Variants in IGSF21 observed in about 807,000 individuals in gnomAD.
The protein encoded by IGSF21 is immunoglobulin superfamily member 21.
A neutral mutation model predicts 46.8 loss-of-function variants in IGSF21; 28 were observed. That is an observed-to-expected ratio of 0.60 (90% confidence interval 0.44 to 0.82). IGSF21 has a LOEUF of 0.82. IGSF21 is among the 40% of genes least tolerant of loss of function. IGSF21 has a pLI of 0.00. For missense variants in IGSF21, 624 were observed against 665.5 expected, an observed-to-expected ratio of 0.94 and a Z score of 0.69; for synonymous variants, 284 against 273.6, an observed-to-expected ratio of 1.04 and a Z score of -0.38.
chr1:18,309,950 G>A (rs527754210), intron 3 of IGSF21, among the ~76,000 whole-genome samples: 2 of 152,250 alleles, frequency 1.3e-5, no homozygotes, highest in African/African-American at 4.8e-5. Context: ...CGAGGCCCTG[G>A]GGGGTGCATG....
At chr1:18,176,642 G>T (rs1418999666) in intron 1 of IGSF21, among the ~76,000 whole-genome samples, 1 of 152,136 alleles carries the variant, frequency 6.6e-6, no homozygotes. Context: ...GAGTATCTGC[G>T]CCCCTGACCC....
intron 2 of IGSF21, among the ~76,000 whole-genome samples, chr1:18,231,350 C>A (rs1032611896): frequency 1.3e-5 from 2 of 152,206 alleles, no homozygotes. Flanking sequence ...GCTAACAAAA[C>A]CTCTGGCTGG....
chr1:18,143,434 C>A (rs1414894991), intron 1 of IGSF21, among the ~76,000 whole-genome samples: 3 of 152,292 alleles, frequency 2.0e-5, no homozygotes, highest in Non-Finnish European at 4.4e-5. Context: ...CTCCCTCCTG[C>A]TTAGAACTCT....
In IGSF21 at chr1:18,309,687, G is replaced by A. The variant is rs375872502; in HGVS notation, c.305+17700G>A. ...CCACCGCCTCTAGCCGCTGCTGAGG[G>A]CCGGCCTCCTTTTGCCTCTGCCCTC... is the stretch of plus-strand genomic sequence containing the variant. On this transcript the variant is annotated intron_variant, in intron 3 of 9. Transcript: ENST00000251296. Among the ~76,000 whole-genome samples the A allele has an allele frequency of 2.0e-4, 31 of 152,320 alleles. No homozygotes were observed. The South Asian group carries it at 6.4e-3, about 32-fold the overall frequency.
rs1557659664 is a variant in IGSF21 at position 18,359,388 on chromosome 1, AAGGAAGG to A, written c.425-2725_425-2719del. ...AAAGAAAGAAAGAAAGAAAGAAAGG[AAGGAAGG>A]AAGGAAGGAAGGAAGGAAGGAAGGA... On this transcript the variant is annotated intron_variant, in intron 4 of 9. Coordinates refer to ENST00000251296, the MANE Select transcript of IGSF21 (RefSeq NM_032880.5). Among the ~76,000 whole-genome samples, 361 of 78,336 alleles carry A rather than the reference AAGGAAGG, an allele frequency of 4.6e-3. 2 individuals are homozygous for A. The highest frequency in any genetic ancestry group is 0.013 in the East Asian group (38 of 2,844). The allele number at this position is 78,336 out of a possible 152,430, so 51.4% of individuals were successfully genotyped here.
chr1:18,303,735 C>T (rs1487817216), intron 3 of IGSF21, among the ~76,000 whole-genome samples: 1 of 151,998 alleles, frequency 6.6e-6, no homozygotes, highest in Non-Finnish European at 1.5e-5. Context: ...GTTCTCTGTC[C>T]CCATGGAGCT....
At chr1:18,224,601 C>T (rs184794733) in intron 1 of IGSF21, among the ~76,000 whole-genome samples, 3 of 152,300 alleles carry the variant, frequency 2.0e-5, no homozygotes, top group African/African-American at 7.2e-5. Flanking sequence ...GATATGTCCC[C>T]ATTGCCTACA....
At position 18,115,842 on chromosome 1, in the gene IGSF21, G is replaced by GAAAGAAAGA. The variant is rs1557543384; in HGVS notation, c.70+7646_70+7647insAGAAAGAAA. The GAAAGAAAGA allele has an allele frequency of 3.6e-4, 32 of 87,824 alleles. 1 individual carries two copies. The highest frequency in any genetic ancestry group is 1.1e-3 in the Admixed American group (9 of 8,110). The allele number at this position is 87,824 out of a possible 1,614,324, so 5.4% of individuals were successfully genotyped here. A position where few individuals can be genotyped will look rare whatever the true frequency, so the allele number is the denominator to read the frequency against. The stretch of plus-strand genomic sequence containing the variant: ...GACAGGAAGGAAGGAAGGAAGGAAG[G>GAAAGAAAGA]AAGAAAGAAAGAAAGAAAGAAAGAA... On this transcript the variant is annotated intron_variant, in intron 1 of 9. Coordinates refer to ENST00000251296, the MANE Select transcript of IGSF21 (RefSeq NM_032880.5).
At chr1:18,302,691 C>G (rs761753118) in intron 3 of IGSF21, among the ~76,000 whole-genome samples, 1 of 152,142 alleles carries the variant, frequency 6.6e-6, no homozygotes, top group Non-Finnish European at 1.5e-5. Flanking sequence ...GTCCTCAAAT[C>G]TCCCCTGCAA....
intron 4 of IGSF21, among the ~76,000 whole-genome samples, chr1:18,351,643 C>T (rs1005003495): frequency 6.6e-6 from 1 of 152,202 alleles, no homozygotes; most frequent in African/African-American, 2.4e-5. Context: ...CCTGCCTCCC[C>T]AAGCTTCCGT....
intron 4 of IGSF21, among the ~76,000 whole-genome samples, chr1:18,357,027 A>C (rs1569867659): frequency 6.6e-6 from 1 of 151,430 alleles, no homozygotes; most frequent in African/African-American, 2.4e-5. Context: ...ATAGGAATGG[A>C]GATGAGGATG....
intron 1 of IGSF21, among the ~76,000 whole-genome samples, chr1:18,144,559 A>G (rs2086448685): frequency 6.6e-6 from 1 of 152,126 alleles, no homozygotes; most frequent in Non-Finnish European, 1.5e-5. Flanking sequence ...GGAAGCACCT[A>G]GGTCCAGTCC....
At chr1:18,127,724 G>A (rs975075259) in intron 1 of IGSF21, among the ~76,000 whole-genome samples, 1 of 152,086 alleles carries the variant, frequency 6.6e-6, no homozygotes, top group East Asian at 1.9e-4. Flanking sequence ...GAAACATGGT[G>A]AAACCTCATC....
chr1:18,159,963 G>A (rs2086602170), intron 1 of IGSF21, among the ~76,000 whole-genome samples: 1 of 152,160 alleles, frequency 6.6e-6, no homozygotes, highest in Non-Finnish European at 1.5e-5. Context: ...TTACAGGCGT[G>A]AGCCACCTTG....
rs1557659465 is a variant in IGSF21 at position 18,359,343 on chromosome 1, AAAGAAAGAAAG to A, written c.425-2769_425-2759del. On this transcript the variant is annotated intron_variant, in intron 4 of 9. Transcript: ENST00000251296. ...GAGAGAGAGAAAGAGAAAGAAAAAG[AAAGAAAGAAAG>A]AAAGAAAGAAAGAAAGAAAGAAAGA... Among the ~76,000 whole-genome samples, 123 of 50,528 alleles carry A rather than the reference AAAGAAAGAAAG, an allele frequency of 2.4e-3. 5 individuals are homozygous for A. Among genetic ancestry groups the A allele is most frequent in the African/African-American group, 7.0e-3 (94 of 13,474 alleles). The allele number at this position is 50,528 out of a possible 152,430, so 33.1% of individuals were successfully genotyped here. A position where few individuals can be genotyped will look rare whatever the true frequency, so the allele number is the denominator to read the frequency against.
Position 18,260,906 on chromosome 1 carries a change from G to A in IGSF21, c.184-30960G>A, listed in dbSNP as rs564301557. Reference sequence around the variant, plus strand: ...TCTTGGCTAGTGGGGCCTTTTCCACGTGGAGGTGTTGGGGGCCACCTACCT... The same window carrying A: ...TCTTGGCTAGTGGGGCCTTTTCCACATGGAGGTGTTGGGGGCCACCTACCT... On this transcript the variant is annotated intron_variant, in intron 2 of 9. Coordinates refer to ENST00000251296, the MANE Select transcript of IGSF21 (RefSeq NM_032880.5). Among the ~76,000 whole-genome samples the A allele has an allele frequency of 1.1e-3, 162 of 152,324 alleles. 1 individual carries two copies. The highest frequency in any genetic ancestry group is 3.9e-3 in the South Asian group (19 of 4,824).
At chr1:18,175,902 A>G (rs1258718753) in intron 1 of IGSF21, among the ~76,000 whole-genome samples, 2 of 152,190 alleles carry the variant, frequency 1.3e-5, no homozygotes, top group African/African-American at 4.8e-5. Flanking sequence ...CTTGGAGGAG[A>G]GGGCAGTGCC....
chr1:18,224,881 A>T lies in IGSF21; in HGVS notation c.71-3017A>T, dbSNP rs1475993386. 2.6e-5 allele frequency among the ~76,000 whole-genome samples: 4 copies of T among 151,852 alleles called. No individual in the cohort carries two copies. In the East Asian group the frequency reaches 7.8e-4, roughly 30 times the overall value. ...GGAGTTTGAGATCACCCTGGCCGAC[A>T]TGGTGAAACCCCATCTCTACTAAAA... On this transcript the variant is annotated intron_variant, in intron 1 of 9. Coordinates refer to ENST00000251296, the MANE Select transcript of IGSF21 (RefSeq NM_032880.5).
intron 3 of IGSF21, among the ~76,000 whole-genome samples, chr1:18,295,039 C>T (rs1050410248): frequency 1.6e-4 from 24 of 152,192 alleles, no homozygotes; most frequent in African/African-American, 5.8e-4. Flanking sequence ...AGAAGATTAC[C>T]AAGAATTGGC....
Sources: gnomAD v4.1 joint callset for allele counts (sites outside exome capture counted in the v4.1 genomes callset) on GRCh38, gnomAD v4.1.1 for gene constraint, MANE v1.5 for transcripts, NCBI Gene and HGNC (gene_info 2026-07-23, HGNC 2026-07-21) for gene names.